The following NELFB variants were observed in gnomAD, a reference collection of about 807,000 sequenced individuals.
NELFB encodes negative elongation factor B.
A neutral mutation model predicts 60.2 loss-of-function variants in NELFB; 34 were observed. The observed-to-expected ratio is 0.56, with a 90% CI of 0.43 to 0.75. The LOEUF (loss-of-function observed/expected upper bound fraction) is 0.75, where lower values mean the gene tolerates loss of function less well. Ranked by LOEUF, NELFB falls within the 30% of genes least tolerant of loss-of-function variation. NELFB has a pLI of 0.00. For missense variants in NELFB, 770 were observed against 831.6 expected (o/e 0.93, Z 0.91); for synonymous variants, 459 against 382.1 (o/e 1.20, Z -2.35).
At chr9:137,258,446 C>G (rs1312194975) in intron 4 of NELFB, among the ~76,000 whole-genome samples, 1 of 149,830 alleles carries the variant, frequency 6.7e-6, no homozygotes, top group Admixed American at 6.7e-5. Context: ...TTTTAATTAG[C>G]CAATTTTTTT....
intron 9 of NELFB, 28 bp downstream of exon 9, chr9:137,267,114 G>A: frequency 8.7e-6 from 14 of 1,613,632 alleles, no homozygotes; most frequent in Non-Finnish European, 1.1e-5. Flanking sequence ...ATGGTGCAGG[G>A]GTGGCCGTGG....
In NELFB at chr9:137,264,223, C is replaced by T. The variant is rs368079803; in HGVS notation, c.928-22C>T. The T allele has an allele frequency of 1.6e-4, 249 of 1,552,380 alleles. 1 individual carries two copies. In the Middle Eastern group the frequency reaches 3.0e-3, roughly 19 times the overall value. On this transcript the variant is annotated intron_variant, in intron 5 of 12. Coordinates refer to ENST00000343053, the MANE Select transcript of NELFB (RefSeq NM_015456.5). ...CATCCTGGGAGGTTTGGGCTGGTCC[C>T]GACCGTGCTTCCTCCTTGCAGTTCA...
At chr9:137,256,548 C>T (rs1028589297) in intron 3 of NELFB, 120 bp downstream of exon 3, 6 of 890,668 alleles carry the variant, frequency 6.7e-6, no homozygotes, top group African/African-American at 4.9e-5. Context: ...TGCCCAAGTG[C>T]TGTCCATGGT....
intron 4 of NELFB, among the ~76,000 whole-genome samples, chr9:137,257,596 A>G (rs371764658): frequency 7.0e-6 from 1 of 142,822 alleles, no homozygotes; most frequent in South Asian, 2.2e-4. Flanking sequence ...TCCGCCTCCC[A>G]GGTTCAAGCA....
At chr9:137,272,351 C>T (rs994034973) in intron 11 of NELFB, 129 bp downstream of exon 11, 28 of 1,487,068 alleles carry the variant, frequency 1.9e-5, no homozygotes, top group African/African-American at 9.7e-5. Context: ...CACCAGGGCT[C>T]GCATGTGGCC....
At chr9:137,259,244 A>G (rs1055201392) in intron 4 of NELFB, among the ~76,000 whole-genome samples, 2 of 152,214 alleles carry the variant, frequency 1.3e-5, no homozygotes, top group African/African-American at 4.8e-5. Context: ...GAGGATCACT[A>G]AGATTTGAAA....
intron 1 of NELFB, 45 bp downstream of exon 1, chr9:137,255,656 G>A: frequency 6.6e-7 from 1 of 1,517,488 alleles, no homozygotes; most frequent in Non-Finnish European, 8.9e-7. Flanking sequence ...GGAGGGCCGG[G>A]CCGCCTGCTC....
chr9:137,261,531 G>A (rs1340165482), intron 4 of NELFB, among the ~76,000 whole-genome samples: 6 of 151,636 alleles, frequency 4.0e-5, no homozygotes, highest in African/African-American at 1.2e-4. Context: ...GGCAGCCGGC[G>A]CCTGTAATCC....
intron 6 of NELFB, among the ~76,000 whole-genome samples, chr9:137,264,761 C>T (rs916238117): frequency 8.5e-5 from 13 of 152,220 alleles, no homozygotes; most frequent in Non-Finnish European, 1.6e-4. Context: ...GCCACCGTGC[C>T]TGGCCTCCTG....
intron 4 of NELFB, among the ~76,000 whole-genome samples, chr9:137,259,825 C>T (rs528498763): frequency 2.6e-3 from 385 of 150,460 alleles, no homozygotes; most frequent in African/African-American, 8.9e-3. Flanking sequence ...CCCGGGTTCA[C>T]TCCATTCTCC....
At chr9:137,262,032 A>G (rs1830454752) in intron 4 of NELFB, among the ~76,000 whole-genome samples, 1 of 152,138 alleles carries the variant, frequency 6.6e-6, no homozygotes, top group East Asian at 1.9e-4. Flanking sequence ...ATTTCTGCGT[A>G]TCAGAGACTT....
intron 10 of NELFB, among the ~76,000 whole-genome samples, chr9:137,271,527 G>A (rs979094761): frequency 6.6e-6 from 1 of 152,268 alleles, no homozygotes; most frequent in African/African-American, 2.4e-5. Flanking sequence ...GTGGTCGCAC[G>A]TGAGGCGTCT....
rs1024284520 is a variant in NELFB, at chr9:137,255,361, G to C, written c.-5G>C. ...ACGCGCGCGGAGTCGCGCGGCGGGC[G>C]GGACCTGGCCGAGCTGGAGGGCGCC... On this transcript the variant is annotated 5_prime_UTR_variant, in exon 1 of 13. Transcript: ENST00000343053. 2 of 465,596 alleles carry C rather than the reference G, an allele frequency of 4.3e-6. No individual in the cohort carries two copies. Among genetic ancestry groups the C allele is most frequent in the East Asian group, 4.0e-5 (1 of 24,716 alleles). 28.8% of individuals were successfully genotyped at this position (465,596 alleles called of 1,614,324 possible). A position where few individuals can be genotyped will look rare whatever the true frequency, so the allele number is the denominator to read the frequency against.
At chr9:137,256,173 C>T (rs1837547585) in intron 2 of NELFB, 103 bp downstream of exon 2, 1 of 1,424,936 alleles carries the variant, frequency 7.0e-7, no homozygotes, top group African/African-American at 1.4e-5. Flanking sequence ...CATCCTTGCT[C>T]CCAGAGGTGG....
intron 6 of NELFB, among the ~76,000 whole-genome samples, chr9:137,265,163 G>GCTGAGCCGCCGCGCC (rs1830502733): frequency 6.7e-6 from 1 of 150,206 alleles, no homozygotes; most frequent in African/African-American, 2.4e-5. Flanking sequence ...GGGATTACAG[G>GCTGAGCCGCCGCGCC]CACACACCAG....
intron 6 of NELFB, among the ~76,000 whole-genome samples, chr9:137,265,219 C>G (rs1341043053): frequency 6.6e-6 from 1 of 151,246 alleles, no homozygotes; most frequent in Non-Finnish European, 1.5e-5. Flanking sequence ...TGGGATTTCA[C>G]CACCTCGCCC....
chr9:137,262,363 G>A (rs1008475677), intron 4 of NELFB, among the ~76,000 whole-genome samples: 1 of 152,146 alleles, frequency 6.6e-6, no homozygotes. Flanking sequence ...AGATGCTGGC[G>A]TCACCGCTAG....
In NELFB at chr9:137,272,698, T is replaced by G. The variant is rs945010476; in HGVS notation, c.1740+83T>G. 8.3e-5 allele frequency: 127 copies of G among 1,525,800 alleles called. No homozygotes were observed. In the East Asian group the frequency reaches 9.8e-4, roughly 12 times the overall value. The allele number at this position is 1,525,800 out of a possible 1,614,324, so 94.5% of individuals were successfully genotyped here. On this transcript the variant is annotated intron_variant, in intron 12 of 12. Coordinates refer to ENST00000343053, the MANE Select transcript of NELFB (RefSeq NM_015456.5). The stretch of plus-strand genomic sequence containing the variant: ...CTTGCCAAGCTGCCCTTGTGGTGCT[T>G]GTGTGTGGTCGGTGGGCACCCACCC...
chr9:137,266,007 C>T (rs772673240), intron 7 of NELFB, 28 bp downstream of exon 7: 64 of 1,522,520 alleles, frequency 4.2e-5, no homozygotes, highest in Middle Eastern at 2.0e-4. Context: ...CAGCAGCTGT[C>T]GGGGCCATGC....
Sources: gnomAD v4.1 joint callset for allele counts (sites outside exome capture counted in the v4.1 genomes callset) on GRCh38, gnomAD v4.1.1 for gene constraint, MANE v1.5 for transcripts, NCBI Gene and HGNC (gene_info 2026-07-23, HGNC 2026-07-21) for gene names.